The following MIS18A variants were observed in gnomAD, a reference collection of about 807,000 sequenced individuals.
MIS18A encodes the protein MIS18 kinetochore protein A, also known as protein Mis18-alpha.
Under a neutral mutation model 25.0 loss-of-function variants are expected in MIS18A, and 14 were observed. That is an observed-to-expected ratio of 0.56 (90% confidence interval 0.37 to 0.88). The LOEUF (loss-of-function observed/expected upper bound fraction) is 0.88, where lower values mean the gene tolerates loss of function less well. Among genes scored for constraint, MIS18A ranks in the 40% least tolerant of loss-of-function variants. The probability of loss-of-function intolerance (pLI) is 0.00; values close to 1 mark genes in which losing one functional copy is unlikely to be tolerated. For synonymous variants in MIS18A, 134 were observed against 118.6 expected (o/e 1.13, Z -0.84); for missense variants, 292 against 290.8 (o/e 1.00, Z -0.03).
chr21:32,226,331 C>T, the MIS18A span, among the ~76,000 whole-genome samples: 1 of 149,968 alleles, frequency 6.7e-6, no homozygotes, highest in Non-Finnish European at 1.5e-5. Context: ...TTTTTTAATG[C>T]TCAACTATAT....
chr21:32,267,199 G>A (rs918729187), downstream of MIS18A, among the ~76,000 whole-genome samples: 4 of 152,246 alleles, frequency 2.6e-5, no homozygotes, highest in Non-Finnish European at 5.9e-5. Flanking sequence ...CCCCTTCAGG[G>A]ATGCCACAGG....
the MIS18A span, among the ~76,000 whole-genome samples, chr21:32,187,125 T>C: frequency 1.3e-5 from 2 of 152,104 alleles, no homozygotes; most frequent in African/African-American, 4.8e-5. Flanking sequence ...ACATTTGACA[T>C]TTGGTATCTA....
chr21:32,260,074 T>C, the MIS18A span: 1 of 151,600 alleles, frequency 6.6e-6, no homozygotes, highest in Non-Finnish European at 1.5e-5. Flanking sequence ...GGTGGAACCA[T>C]TTTTCTCAGC....
chr21:32,166,472 T>C, the MIS18A span, among the ~76,000 whole-genome samples: 2 of 152,108 alleles, frequency 1.3e-5, no homozygotes. Flanking sequence ...TATTGTGTAG[T>C]ATCAAGAAAG....
At chr21:32,165,398 A>AAATT in the MIS18A span, among the ~76,000 whole-genome samples, 1 of 151,258 alleles carries the variant, frequency 6.6e-6, no homozygotes, top group Non-Finnish European at 1.5e-5. Flanking sequence ...CATGAGTACT[A>AAATT]AATTAATTAA....
the MIS18A span, among the ~76,000 whole-genome samples, chr21:32,200,923 C>G: frequency 6.6e-6 from 1 of 152,114 alleles, no homozygotes; most frequent in Non-Finnish European, 1.5e-5. Flanking sequence ...CAGAGGATGA[C>G]GAAGTCAACC....
At chr21:32,227,782 T>C in the MIS18A span, among the ~76,000 whole-genome samples, 1 of 152,230 alleles carries the variant, frequency 6.6e-6, no homozygotes, top group Non-Finnish European at 1.5e-5. Flanking sequence ...TTATTGTGCA[T>C]ATATGCAAAC....
At chr21:32,249,555 G>A in the MIS18A span, among the ~76,000 whole-genome samples, 12 of 152,154 alleles carry the variant, frequency 7.9e-5, no homozygotes, top group East Asian at 1.7e-3. Flanking sequence ...TGACGTTTAC[G>A]TGGCAATTTA....
chr21:32,279,048 G>A lies in MIS18A; in HGVS notation c.-34C>T. ...AATCGCCCGCGCCCCAGAGCGCCAT[G>A]GGAAAAAAAACCGCCGCTGCTCATG... On this transcript the variant is annotated 5_prime_UTR_variant, in exon 1 of 5. Transcript: ENST00000290130. The A allele has an allele frequency of 6.4e-7, 1 of 1,555,922 alleles. No homozygotes were observed. The highest frequency in any genetic ancestry group is 8.7e-7 in the Non-Finnish European group (1 of 1,154,846).
chr21:32,178,420 A>C, the MIS18A span, among the ~76,000 whole-genome samples: 1 of 151,964 alleles, frequency 6.6e-6, no homozygotes, highest in Admixed American at 6.6e-5. Flanking sequence ...TTTTTCTTGC[A>C]TTTCAGACTT....
chr21:32,259,289 G>T, the MIS18A span, among the ~76,000 whole-genome samples: 1 of 152,156 alleles, frequency 6.6e-6, no homozygotes, highest in Non-Finnish European at 1.5e-5. Context: ...AAGACCGCAG[G>T]CCTCTGGAGG....
intron 2 of MIS18A, among the ~76,000 whole-genome samples, chr21:32,273,557 C>T (rs189598423): frequency 6.6e-6 from 1 of 152,120 alleles, no homozygotes; most frequent in Non-Finnish European, 1.5e-5. Flanking sequence ...ACAAAAGATA[C>T]CCTTATCACC....
chr21:32,177,700 C>T, the MIS18A span, among the ~76,000 whole-genome samples: 675 of 151,934 alleles, frequency 4.4e-3, 7 homozygotes, highest in African/African-American at 0.016. Context: ...AAATCAGAAT[C>T]GTGGGAATAA....
the MIS18A span, among the ~76,000 whole-genome samples, chr21:32,223,588 G>A: frequency 4.6e-5 from 7 of 152,128 alleles, no homozygotes; most frequent in Non-Finnish European, 7.3e-5. Flanking sequence ...GGAAGAAGTC[G>A]AATCCCTGAA....
At chr21:32,248,435 G>A in the MIS18A span, among the ~76,000 whole-genome samples, 86 of 152,228 alleles carry the variant, frequency 5.6e-4, no homozygotes, top group African/African-American at 1.8e-3. Context: ...CCCCCTGAGC[G>A]CTCAGCTAGG....
At chr21:32,222,750 T>C in the MIS18A span, among the ~76,000 whole-genome samples, 2 of 410 alleles carry the variant, frequency 4.9e-3, no homozygotes, top group Non-Finnish European at 0.011. Context: ...GCTAACATGG[T>C]GAAACCTGTC....
At chr21:32,209,620 CCAAA>C in the MIS18A span, among the ~76,000 whole-genome samples, 9 of 152,144 alleles carry the variant, frequency 5.9e-5, no homozygotes, top group Admixed American at 5.9e-4. Context: ...GTGTTCCCAC[CCAAA>C]TCTCACCTTG....
chr21:32,252,473 G>A, the MIS18A span, among the ~76,000 whole-genome samples: 1 of 152,302 alleles, frequency 6.6e-6, no homozygotes, highest in Admixed American at 6.5e-5. Context: ...AGACATGTAT[G>A]TATTAGTACA....
chr21:32,258,821 G>A, the MIS18A span, among the ~76,000 whole-genome samples: 245 of 151,890 alleles, frequency 1.6e-3, no homozygotes, highest in African/African-American at 5.5e-3. Context: ...TGGATGAGGC[G>A]TGAGGGTCTG....
Sources: gnomAD v4.1 joint callset for allele counts (sites outside exome capture counted in the v4.1 genomes callset) on GRCh38, gnomAD v4.1.1 for gene constraint, MANE v1.5 for transcripts, NCBI Gene and HGNC (gene_info 2026-07-23, HGNC 2026-07-21) for gene names.